PLXNA2: variants seen among roughly 807,000 people sequenced by gnomAD.
PLXNA2 encodes plexin A2.
PLXNA2 carries 91 observed loss-of-function variants against 193.5 expected under a neutral mutation model. That is an observed-to-expected ratio of 0.47 (90% CI 0.40 to 0.56). The LOEUF (loss-of-function observed/expected upper bound fraction) is 0.56. PLXNA2 is among the 20% of genes least tolerant of loss of function. PLXNA2 has a pLI of 0.00. For missense variants in PLXNA2, 1,995 were observed against 2,503.2 expected, an observed-to-expected ratio of 0.80 and a Z score of 4.33; for synonymous variants, 997 against 1,027.3, an observed-to-expected ratio of 0.97 and a Z score of 0.56.
intron 18 of PLXNA2, 77 bp from the exon 19 acceptor site, chr1:208,045,287 A>G (rs113359427): frequency 6.8e-7 from 1 of 1,472,888 alleles, no homozygotes; most frequent in African/African-American, 1.4e-5. Flanking sequence ...AAAAGAGATT[A>G]AGGAGACGGG....
chr1:208,044,360 G>T lies in PLXNA2; in HGVS notation c.3874+148C>A, dbSNP rs1664981481. 1.5e-6 allele frequency: 1 copy of T among 649,796 alleles called. No individual in the cohort carries two copies. The highest frequency in any genetic ancestry group is 2.7e-6 in the Non-Finnish European group (1 of 368,536). 40.3% of individuals were successfully genotyped at this position (649,796 alleles called of 1,614,324 possible). ...GACATCTCTGACCCTATAAGCAAAA[G>T]AAGTTCTGGGAAAACAGGGGTGAAA... On this transcript the variant is annotated intron_variant, in intron 20 of 31. Transcript: ENST00000367033. This position sits in a 1 kb window ranked among gnomAD's most constrained non-coding sequence, Gnocchi z 4.9.
At chr1:208,200,607 T>TTTTTTG (rs1670518739) in intron 3 of PLXNA2, among the ~76,000 whole-genome samples, 1 of 140,260 alleles carries the variant, frequency 7.1e-6, no homozygotes. Context: ...TTTTCTTTTT[T>TTTTTTG]TGGAGACAGA....
At position 208,217,176 on chromosome 1, in the gene PLXNA2, A is replaced by G; in HGVS notation, c.747T>C (p.Ser249=). 1 of 1,614,178 alleles carries G rather than the reference A, an allele frequency of 6.2e-7. No homozygotes were observed. The highest frequency in any genetic ancestry group is 8.5e-7 in the Non-Finnish European group (1 of 1,180,034). The change falls in exon 2 of 32, where the codon AGT becomes AGC. Residue 249 remains serine, a synonymous_variant. Transcript: ENST00000367033. This position sits in a 1 kb window ranked among gnomAD's most constrained non-coding sequence, Gnocchi z 4.7. ...FDIFYIYGFA[S]GGFVYFLTVQ... ...CAGTGAGAAAGTAGACAAAGCCCCC[A>G]CTAGCAAAGCCGTAGATGTAGAAGA...
intron 3 of PLXNA2, among the ~76,000 whole-genome samples, chr1:208,193,082 T>C (rs930354492): frequency 2.0e-5 from 3 of 152,210 alleles, no homozygotes; most frequent in Non-Finnish European, 2.9e-5. Context: ...GAAAACTCTG[T>C]GCATCCAACT....
chr1:208,208,808 G>A (rs1264096211), intron 3 of PLXNA2, among the ~76,000 whole-genome samples: 3 of 152,200 alleles, frequency 2.0e-5, no homozygotes, highest in Non-Finnish European at 2.9e-5. Flanking sequence ...GTGACAGGGA[G>A]AGCTCAGGCT....
chr1:208,236,272 GA>G lies in PLXNA2; in HGVS notation c.-81+7370del, dbSNP rs1409382440. Among the ~76,000 whole-genome samples, 1 of 152,084 alleles carries G rather than the reference GA, an allele frequency of 6.6e-6. No homozygotes were observed. The highest frequency in any genetic ancestry group is 6.5e-5 in the Admixed American group (1 of 15,274). ...CTTCAGGTATTTTTGTTCCTCAGGA[GA>G]AAAAAATGGGAAACCGGGGAGCAGT... On this transcript the variant is annotated intron_variant, in intron 1 of 31. Coordinates refer to ENST00000367033, the MANE Select transcript of PLXNA2 (RefSeq NM_025179.4). The surrounding 1 kb of genome is among the most constrained non-coding windows in gnomAD (Gnocchi z 4.4).
At chr1:208,090,841 C>G (rs941063005) in intron 9 of PLXNA2, among the ~76,000 whole-genome samples, 3 of 152,250 alleles carry the variant, frequency 2.0e-5, no homozygotes, top group African/African-American at 7.2e-5. Flanking sequence ...TCTCTCACTG[C>G]TCAGTCTTCA....
In PLXNA2 at chr1:208,241,766, G is replaced by C. The variant is rs536882189; in HGVS notation, c.-81+1877C>G. ...CCTTTATCAGCAGGTCCCTGAAGAC[G>C]ATCGGCTGCGGAGTGGAGGGAAATA... On this transcript the variant is annotated intron_variant, in intron 1 of 31. Coordinates refer to ENST00000367033, the MANE Select transcript of PLXNA2 (RefSeq NM_025179.4). Among the ~76,000 whole-genome samples the C allele has an allele frequency of 6.6e-5, 10 of 152,306 alleles. No homozygotes were observed. In the South Asian group the frequency reaches 1.0e-3, roughly 16 times the overall value.
At position 208,082,267 on chromosome 1, in the gene PLXNA2, T is replaced by C. The variant is rs1404244871; in HGVS notation, c.2395+145A>G. On this transcript the variant is annotated intron_variant, in intron 11 of 31. Transcript: ENST00000367033. This position sits in a 1 kb window ranked among gnomAD's most constrained non-coding sequence, Gnocchi z 4.2. ...AGGACTCCTTTGATGACTCCAAATG[T>C]TGCTTTAGGATCCTCTGAAGAGTTC... is the stretch of plus-strand genomic sequence containing the variant. 1 of 669,392 alleles carries C rather than the reference T, an allele frequency of 1.5e-6. No homozygotes were observed. The highest frequency in any genetic ancestry group is 2.7e-6 in the Non-Finnish European group (1 of 374,000). The allele number at this position is 669,392 out of a possible 1,614,324, so 41.5% of individuals were successfully genotyped here.
chr1:208,210,630 C>T (rs1380878180), intron 2 of PLXNA2, among the ~76,000 whole-genome samples, 168 bp from the exon 3 acceptor site: 1 of 152,176 alleles, frequency 6.6e-6, no homozygotes, highest in Non-Finnish European at 1.5e-5. Context: ...CTCACCAGCT[C>T]ACCCACAAAT....
chr1:208,230,232 T>C (rs1159546744), intron 1 of PLXNA2: 1 of 152,202 alleles, frequency 6.6e-6, no homozygotes, highest in African/African-American at 2.4e-5. Flanking sequence ...GCTCGAGAGA[T>C]TGGTGATCAT....
intron 13 of PLXNA2, among the ~76,000 whole-genome samples, chr1:208,059,073 C>T (rs1665532415): frequency 6.6e-6 from 1 of 152,156 alleles, no homozygotes; most frequent in Non-Finnish European, 1.5e-5. Flanking sequence ...AAGTTGGATA[C>T]AGGTCTGTGT....
chr1:208,052,434 G>A lies in PLXNA2; in HGVS notation c.2886C>T (p.Ile962=). The A allele has an allele frequency of 1.2e-6, 2 of 1,614,158 alleles. No individual in the cohort carries two copies. Among genetic ancestry groups the A allele is most frequent in the Non-Finnish European group, 1.7e-6 (2 of 1,179,982 alleles). ...VNPSVLSLNP[I]RGPESGGTMV... The stretch of plus-strand genomic sequence containing the variant: ...TAGTGCCTCCTGACTCGGGACCTCG[G>A]ATTGGGTTGAGTGACAGCACAGAAG... The change falls in exon 15 of 32, where the codon ATC becomes ATT. Residue 962 remains isoleucine, a synonymous_variant. Transcript: ENST00000367033.
chr1:208,187,209 T>C (rs951141917), intron 3 of PLXNA2, among the ~76,000 whole-genome samples: 2 of 152,276 alleles, frequency 1.3e-5, no homozygotes, highest in South Asian at 2.1e-4. Flanking sequence ...GTGACTGTCA[T>C]GAGGATTAAA....
intron 4 of PLXNA2, among the ~76,000 whole-genome samples, chr1:208,127,131 T>G (rs1176677584): frequency 6.6e-6 from 1 of 152,186 alleles, no homozygotes; most frequent in Non-Finnish European, 1.5e-5. Flanking sequence ...GGCATAAGGC[T>G]TGCCAATTCC....
intron 3 of PLXNA2, among the ~76,000 whole-genome samples, chr1:208,183,099 G>A (rs764113362): frequency 1.6e-4 from 25 of 152,312 alleles, no homozygotes; most frequent in Non-Finnish European, 2.9e-4. Flanking sequence ...CTCCCCCTTC[G>A]TCTAGGGGAG....
intron 9 of PLXNA2, among the ~76,000 whole-genome samples, chr1:208,086,055 C>T (rs1447859861): frequency 6.6e-6 from 1 of 152,160 alleles, no homozygotes. Flanking sequence ...CAAGGCCGTC[C>T]CTGCCCCTGC....
At chr1:208,122,511 T>C (rs749957327) in intron 4 of PLXNA2, among the ~76,000 whole-genome samples, 1 of 152,228 alleles carries the variant, frequency 6.6e-6, no homozygotes, top group Non-Finnish European at 1.5e-5. Flanking sequence ...TGGACAGCTA[T>C]AATAATAATT....
At chr1:208,031,512 C>G (rs1425081293) in intron 29 of PLXNA2, 78 bp downstream of exon 29, 1 of 1,545,444 alleles carries the variant, frequency 6.5e-7, no homozygotes, top group African/African-American at 1.4e-5. Context: ...CTCCCACCCT[C>G]CCATCTCCTG....
Sources: allele counts gnomAD v4.1 joint callset (sites outside exome capture counted in the v4.1 genomes callset), GRCh38; gene constraint gnomAD v4.1.1; non-coding constraint Gnocchi (gnomAD v3.1); transcripts MANE v1.5; gene names NCBI Gene and HGNC (gene_info 2026-07-23, HGNC 2026-07-21).